URB1: variants seen among roughly 807,000 people sequenced by gnomAD.
URB1 encodes nucleolar pre-ribosomal-associated protein 1.
URB1 carries 197 observed loss-of-function variants against 242.3 expected under a neutral mutation model. The ratio of observed to expected loss-of-function variants is 0.81; its 90% CI spans 0.72 to 0.91. URB1 has a LOEUF of 0.91. Among genes scored for constraint, URB1 ranks in the 40% least tolerant of loss-of-function variants. URB1 has a pLI of 0.00. For synonymous variants in URB1, 1,153 were observed against 1,201.8 expected, an observed-to-expected ratio of 0.96 and a Z score of 0.84; for missense variants, 2,721 against 2,860.5, an observed-to-expected ratio of 0.95 and a Z score of 1.11.
chr21:32,357,544 A>G lies in URB1; in HGVS notation c.1982T>C (p.Ile661Thr). 1 of 1,515,526 alleles carries G rather than the reference A, an allele frequency of 6.6e-7. No homozygotes were observed. Among genetic ancestry groups the G allele is most frequent in the South Asian group, 1.3e-5 (1 of 75,940 alleles). The allele number at this position is 1,515,526 out of a possible 1,614,324, so 93.9% of individuals were successfully genotyped here. ...CTGGTAGAAAATGCTCACCTTCATG[A>G]TCAGAAGTTTGGTCAATGACTTCAG... The part of the protein sequence containing the change: ...LQLKSLTKLL[I>T]MKILRDTGVF... The change falls in exon 15 of 39, where the codon ATC becomes ACC. Residue 661 changes from isoleucine to threonine, a missense_variant. By Grantham distance (89) the Ile-to-Thr change is moderately conservative (BLOSUM62 -1). Coordinates refer to ENST00000382751, the MANE Select transcript of URB1 (RefSeq NM_014825.3).
chr21:32,368,852 T>C (rs2033375472), intron 8 of URB1, among the ~76,000 whole-genome samples: 1 of 152,154 alleles, frequency 6.6e-6, no homozygotes, highest in African/African-American at 2.4e-5. Context: ...TCTTTCCTAC[T>C]TCCCTCCCTT....
At position 32,384,169 on chromosome 21, in the gene URB1, G is replaced by A. The variant is rs11911199; in HGVS notation, c.434+144C>T. Reference sequence around the variant, plus strand: ...GCCAGGGCTGGTCCACAAAGGAAGGGGGCAGAGACTCGGTCACTGTGGCCT... The same window carrying A: ...GCCAGGGCTGGTCCACAAAGGAAGGAGGCAGAGACTCGGTCACTGTGGCCT... On this transcript the variant is annotated intron_variant, in intron 3 of 38. Transcript: ENST00000382751. 4,092 of 1,026,708 alleles carry A rather than the reference G, an allele frequency of 4.0e-3. 108 individuals are homozygous for A. The African/African-American group carries it at 0.057, about 14-fold the overall frequency. The allele number at this position is 1,026,708 out of a possible 1,614,324, so 63.6% of individuals were successfully genotyped here.
rs548785848 is a variant in URB1 at position 32,384,592 on chromosome 21, C to A, written c.283-128G>T. 2.4e-6 allele frequency: 3 copies of A among 1,242,908 alleles called. No individual in the cohort carries two copies. In the South Asian group the frequency reaches 4.7e-5, roughly 19 times the overall value. The allele number at this position is 1,242,908 out of a possible 1,614,324, so 77.0% of individuals were successfully genotyped here. On this transcript the variant is annotated intron_variant, in intron 2 of 38. Coordinates refer to ENST00000382751, the MANE Select transcript of URB1 (RefSeq NM_014825.3). ...CCTTCAACATGCAGGATGACGCCCA[C>A]CCAGATCCTGAGTCAAACGCGACAG...
Position 32,311,442 on chromosome 21 carries a change from A to G in URB1, c.*3476T>C. On this transcript the variant is annotated 3_prime_UTR_variant, in exon 39 of 39. Coordinates refer to ENST00000382751, the MANE Select transcript of URB1 (RefSeq NM_014825.3). Reference sequence around the variant, plus strand: ...CCCCCCCATCCTAAATCAATGTAGGAAGAAGTGGCCTCCAGGGAAAGACCT... The same window carrying G: ...CCCCCCCATCCTAAATCAATGTAGGGAGAAGTGGCCTCCAGGGAAAGACCT... The G allele has an allele frequency of 6.9e-6, 1 of 145,674 alleles. No individual in the cohort carries two copies. Among genetic ancestry groups the G allele is most frequent in the Non-Finnish European group, 1.3e-5 (1 of 75,780 alleles). 9.0% of individuals were successfully genotyped at this position (145,674 alleles called of 1,614,324 possible).
intron 6 of URB1, among the ~76,000 whole-genome samples, chr21:32,374,789 T>C (rs73190629): frequency 6.6e-6 from 1 of 152,336 alleles, no homozygotes; most frequent in Non-Finnish European, 1.5e-5. Flanking sequence ...CAAAATGTCT[T>C]CAGAGATTGA....
At chr21:32,364,172 G>A (rs1359907299) in intron 10 of URB1, among the ~76,000 whole-genome samples, 1 of 152,134 alleles carries the variant, frequency 6.6e-6, no homozygotes, top group East Asian at 1.9e-4. Flanking sequence ...ACACCTGGGA[G>A]AGTCACTCAC....
intron 36 of URB1, among the ~76,000 whole-genome samples, chr21:32,318,900 C>T (rs1223688116): frequency 6.6e-6 from 1 of 152,066 alleles, no homozygotes; most frequent in Non-Finnish European, 1.5e-5. Flanking sequence ...GTTTGAATCA[C>T]AGTATCAAGG....
intron 37 of URB1, 121 bp downstream of exon 37, chr21:32,317,555 C>G: frequency 7.1e-7 from 1 of 1,406,594 alleles, no homozygotes; most frequent in South Asian, 1.4e-5. Context: ...ATGGATGTGT[C>G]CCATCTCTGA....
chr21:32,392,131 A>T (rs897152903), intron 1 of URB1, among the ~76,000 whole-genome samples: 10 of 152,228 alleles, frequency 6.6e-5, no homozygotes, highest in Non-Finnish European at 4.4e-5. Flanking sequence ...ATTTTAGAGC[A>T]ATGCTTCCAC....
intron 20 of URB1, 25 bp downstream of exon 20, chr21:32,350,679 T>A (rs1601138939): frequency 6.5e-7 from 1 of 1,547,132 alleles, no homozygotes; most frequent in African/African-American, 1.4e-5. Context: ...CTCTGAAGCC[T>A]GTGGAGGATG....
chr21:32,321,495 C>G (rs966070331), intron 34 of URB1, among the ~76,000 whole-genome samples: 1 of 152,132 alleles, frequency 6.6e-6, no homozygotes, highest in African/African-American at 2.4e-5. Context: ...CTGATCAGTA[C>G]CCCCCACTGA....
intron 25 of URB1, 53 bp downstream of exon 25, chr21:32,341,413 G>A (rs1385445512): frequency 6.6e-7 from 1 of 1,520,654 alleles, no homozygotes; most frequent in Non-Finnish European, 8.9e-7. Context: ...TTTGCATGCT[G>A]AACGACATTC....
rs952165137 is a variant in URB1, at chr21:32,316,636, C to T, written c.6464G>A (p.Arg2155Gln). 12 of 1,551,476 alleles carry T rather than the reference C, an allele frequency of 7.7e-6. No homozygotes were observed. Among genetic ancestry groups the T allele is most frequent in the East Asian group, 2.4e-5 (1 of 40,934 alleles). The change falls in exon 38 of 39, where the codon CGG (arginine) becomes CAG (glutamine). Residue 2155 changes from arginine to glutamine, a missense_variant. Arg to Gln is a conservative substitution (Grantham distance 43). Transcript: ENST00000382751. ...TGCCAGCCCCTCAGCCCCACAGAGCCGGCTATACAGCCTGAATATGCTGCT... is the reference window on the plus strand; with the variant it reads ...TGCCAGCCCCTCAGCCCCACAGAGCTGGCTATACAGCCTGAATATGCTGCT... ...VRSSIFRLYS[R>Q]LCGAEGLAGP...
chr21:32,371,078 A>G (rs1456753221), intron 8 of URB1, among the ~76,000 whole-genome samples: 1 of 152,348 alleles, frequency 6.6e-6, no homozygotes, highest in East Asian at 1.9e-4. Context: ...TGGAGGGACT[A>G]TTTCAGAAAG....
In URB1 at chr21:32,312,657, T is replaced by C. The variant is rs573355756; in HGVS notation, c.*2261A>G. ...GAGCCCTGGAAGCTGGCAGGAAAGG[T>C]CTTCTGGATGTGACTTTATGTGACA... On this transcript the variant is annotated 3_prime_UTR_variant, in exon 39 of 39. Transcript: ENST00000382751. The C allele has an allele frequency of 1.3e-5, 2 of 158,474 alleles. No homozygotes were observed. The highest frequency in any genetic ancestry group is 3.7e-4 in the East Asian group (2 of 5,460). The allele number at this position is 158,474 out of a possible 1,614,324, so 9.8% of individuals were successfully genotyped here. A position where few individuals can be genotyped will look rare whatever the true frequency, so the allele number is the denominator to read the frequency against.
chr21:32,336,327 G>A (rs903400313), intron 28 of URB1, among the ~76,000 whole-genome samples: 2 of 152,046 alleles, frequency 1.3e-5, no homozygotes, highest in East Asian at 3.9e-4. Context: ...CTCCCTGCAA[G>A]CTCTCCTGAA....
chr21:32,311,750 GA>G lies in URB1; in HGVS notation c.*3167del. ...GCCTCAACCTCCACCTCTGCATCCAGAAGTGCCTGCCGTGCCACAGGGAACC... is the reference window on the plus strand; with the variant it reads ...GCCTCAACCTCCACCTCTGCATCCAGAGTGCCTGCCGTGCCACAGGGAACC... On this transcript the variant is annotated 3_prime_UTR_variant, in exon 39 of 39. Coordinates refer to ENST00000382751, the MANE Select transcript of URB1 (RefSeq NM_014825.3). 1.9e-6 allele frequency: 3 copies of G among 1,614,112 alleles called. No individual in the cohort carries two copies. The highest frequency in any genetic ancestry group is 2.5e-6 in the Non-Finnish European group (3 of 1,180,012).
chr21:32,343,203 C>T (rs910711228), intron 24 of URB1, among the ~76,000 whole-genome samples: 26 of 150,920 alleles, frequency 1.7e-4, no homozygotes, highest in Non-Finnish European at 4.4e-5. Context: ...TTGTTTTCTT[C>T]TCTATTTTTT....
chr21:32,362,033 A>G lies in URB1; in HGVS notation c.1510-12T>C. Reference sequence around the variant, plus strand: ...AGGTCTGGCAAAATCTAAATGGGAAAAAGAAGCAGAACATTAGTTGTAGTC... The same window carrying G: ...AGGTCTGGCAAAATCTAAATGGGAAGAAGAAGCAGAACATTAGTTGTAGTC... On this transcript the variant is annotated splice_polypyrimidine_tract_variant and intron_variant, in intron 11 of 38. Coordinates refer to ENST00000382751, the MANE Select transcript of URB1 (RefSeq NM_014825.3). 1 of 1,551,026 alleles carries G rather than the reference A, an allele frequency of 6.4e-7. No homozygotes were observed. Among genetic ancestry groups the G allele is most frequent in the East Asian group, 2.4e-5 (1 of 40,920 alleles).
Sources: gnomAD v4.1 joint callset for allele counts (sites outside exome capture counted in the v4.1 genomes callset) on GRCh38, gnomAD v4.1.1 for gene constraint, MANE v1.5 for transcripts, NCBI Gene and HGNC (gene_info 2026-07-23, HGNC 2026-07-21) for gene names.